The following GCDH variants were observed in gnomAD, a reference collection of about 807,000 sequenced individuals.
GCDH encodes the protein glutaryl-CoA dehydrogenase, also known as glutaryl-CoA dehydrogenase, mitochondrial.
Under a neutral mutation model 52.8 loss-of-function variants are expected in GCDH, and 31 were observed. The observed-to-expected ratio is 0.59, with a 90% CI of 0.44 to 0.79. The LOEUF (loss-of-function observed/expected upper bound fraction) is 0.79. Ranked by LOEUF, GCDH falls within the 30% of genes least tolerant of loss-of-function variation. The pLI is 0.00. For synonymous variants in GCDH, 242 were observed against 250.0 expected, an observed-to-expected ratio of 0.97 and a Z score of 0.30; for missense variants, 509 against 595.0, an observed-to-expected ratio of 0.86 and a Z score of 1.50.
chr19:12,892,307 C>A (rs1435157907), intron 5 of GCDH, 129 bp downstream of exon 5: 2 of 884,972 alleles, frequency 2.3e-6, no homozygotes, highest in East Asian at 2.6e-5. Context: ...TTCTTCTTCC[C>A]CCCCAACAGA....
intron 11 of GCDH, 133 bp from the exon 12 acceptor site, chr19:12,899,335 C>G: frequency 6.2e-7 from 1 of 1,613,394 alleles, no homozygotes; most frequent in South Asian, 1.1e-5. Flanking sequence ...AGTCTCCCGG[C>G]AGCTGTCAGC....
chr19:12,895,665 G>A (rs1970655419), intron 6 of GCDH, among the ~76,000 whole-genome samples: 1 of 151,804 alleles, frequency 6.6e-6, no homozygotes, highest in Non-Finnish European at 1.5e-5. Context: ...AGGCTGTAGT[G>A]CAGTGGCATG....
chr19:12,894,017 G>GT (rs1160434877), intron 6 of GCDH: 3 of 591,468 alleles, frequency 5.1e-6, no homozygotes, highest in Admixed American at 6.0e-5. Context: ...CCTGGGCAAC[G>GT]TAAGGAGACC....
At position 12,893,846 on chromosome 19, in the gene GCDH, A is replaced by T. The variant is rs1338152425; in HGVS notation, c.505+193A>T. ...GCCAGCCTGACTGTCCCCCTCTGTG[A>T]CCACCGTCATCTCCCTATGCTTTCT... On this transcript the variant is annotated intron_variant, in intron 6 of 11. Transcript: ENST00000222214. 9.1e-6 allele frequency: 6 copies of T among 661,508 alleles called. No homozygotes were observed. The Admixed American group carries it at 1.3e-4, about 14-fold the overall frequency. 41.0% of individuals were successfully genotyped at this position (661,508 alleles called of 1,614,324 possible).
At chr19:12,893,153 C>T (rs1280282363) in intron 5 of GCDH, among the ~76,000 whole-genome samples, 1 of 152,024 alleles carries the variant, frequency 6.6e-6, no homozygotes, top group African/African-American at 2.4e-5. Flanking sequence ...TCCCAAAGTG[C>T]TGGGATTATA....
Position 12,899,533 on chromosome 19 carries a change from A to G in GCDH, c.1309A>G (p.Ser437Gly), listed in dbSNP as rs1233213883. ...AITGIQAFTA[S>G]K is the part of the protein sequence containing the mutation. ...CACGGGAATCCAGGCGTTCACGGCC[A>G]GCAAGTGAGCCGCTCCATCAGGGGC... The change falls in exon 12 of 12, where the codon AGC becomes GGC. Residue 437 changes from serine (S) to glycine (G), a missense_variant. Transcript: ENST00000222214. 1.9e-6 allele frequency: 3 copies of G among 1,614,100 alleles called. No homozygotes were observed. Among genetic ancestry groups the G allele is most frequent in the Non-Finnish European group, 2.5e-6 (3 of 1,180,038 alleles).
chr19:12,897,219 C>T (rs989021687), intron 9 of GCDH, 84 bp from the exon 10 acceptor site: 16 of 1,554,412 alleles, frequency 1.0e-5, no homozygotes, highest in African/African-American at 2.7e-5. Context: ...CCTGGGAAGG[C>T]GTCCTGGAGC....
At chr19:12,892,025 GCCACCCCACCT>G in intron 4 of GCDH, 51 bp downstream of exon 4, 2 of 1,613,990 alleles carry the variant, frequency 1.2e-6, no homozygotes, top group Non-Finnish European at 8.5e-7. Context: ...TGGAGCCATA[GCCACCCCACCT>G]CAAGGCCCCT....
At position 12,898,211 on chromosome 19, in the gene GCDH, C is replaced by T. The variant is rs571936638; in HGVS notation, c.1243+348C>T. The T allele has an allele frequency of 1.0e-4, 38 of 371,896 alleles. 1 individual carries two copies. Among genetic ancestry groups the T allele is most frequent in the South Asian group, 5.8e-4 (24 of 41,298 alleles). The allele number at this position is 371,896 out of a possible 1,614,324, so 23.0% of individuals were successfully genotyped here. A position where few individuals can be genotyped will look rare whatever the true frequency, so the allele number is the denominator to read the frequency against. The stretch of plus-strand genomic sequence containing the variant: ...AGGCTGGTGGACGCAAGGGAGTGAG[C>T]GAAGCTACACGCAGGAATCAACGCT... On this transcript the variant is annotated intron_variant, in intron 11 of 11. Coordinates refer to ENST00000222214, the MANE Select transcript of GCDH (RefSeq NM_000159.4).
Position 12,891,355 on chromosome 19 carries a change from G to T in GCDH, c.51G>T (p.Leu17=), listed in dbSNP as rs772706462. ...GGCTGCTGAGCCGCGGACCCGGCCT[G>T]CACGTCCTTCGCACGTGGGTCTCGT... is the stretch of plus-strand genomic sequence containing the variant. ...SVRLLSRGPG[L]HVLRTWVSSA... is the part of the protein sequence containing the mutation. Residue 17 remains leucine, a synonymous_variant, in exon 2 of 12, where the codon CTG becomes CTT. Transcript: ENST00000222214. The T allele has an allele frequency of 2.1e-5, 34 of 1,613,388 alleles. No individual in the cohort carries two copies. The African/African-American group carries it at 3.9e-4, about 18-fold the overall frequency.
At position 12,899,817 on chromosome 19, in the gene GCDH, G is replaced by A; in HGVS notation, c.*276G>A. 5 of 1,581,254 alleles carry A rather than the reference G, an allele frequency of 3.2e-6. No individual in the cohort carries two copies. The highest frequency in any genetic ancestry group is 4.3e-6 in the Non-Finnish European group (5 of 1,151,260). On this transcript the variant is annotated 3_prime_UTR_variant, in exon 12 of 12. Transcript: ENST00000222214. Reference sequence around the variant, plus strand: ...CCTGAAATAGCAGCTTCTCTTGAGAGGAGAGTGACATGGAAGCAACTCCGT... The same window carrying A: ...CCTGAAATAGCAGCTTCTCTTGAGAAGAGAGTGACATGGAAGCAACTCCGT...
rs776082304 is a variant in GCDH, at chr19:12,897,859, C to G, written c.1239C>G (p.Tyr413Ter). ...HAMNLEAVNT[Y>*]EGTHDIHALI... is the part of the protein sequence containing the mutation. ...TGAACCTGGAGGCCGTGAACACCTA[C>G]GAAGGTAGGAGCTGGACCTCAGAGG... Residue 413 changes from tyrosine (Y) to a stop codon, truncating the protein, a stop_gained, in exon 11 of 12, where the codon TAC becomes TAG. Transcript: ENST00000222214. LOFTEE classifies it high-confidence loss of function. 1 of 1,613,622 alleles carries G rather than the reference C, an allele frequency of 6.2e-7. No homozygotes were observed. Among genetic ancestry groups the G allele is most frequent in the Non-Finnish European group, 8.5e-7 (1 of 1,179,700 alleles).
rs764513971 is a variant in GCDH at position 12,897,871 on chromosome 19, C to T, written c.1243+8C>T. The T allele has an allele frequency of 6.2e-7, 1 of 1,612,518 alleles. No individual in the cohort carries two copies. Among genetic ancestry groups the T allele is most frequent in the Admixed American group, 1.7e-5 (1 of 59,996 alleles). The stretch of plus-strand genomic sequence containing the variant: ...CCGTGAACACCTACGAAGGTAGGAG[C>T]TGGACCTCAGAGGGCTCACTGAGGC... On this transcript the variant is annotated splice_region_variant and intron_variant, in intron 11 of 11. Coordinates refer to ENST00000222214, the MANE Select transcript of GCDH (RefSeq NM_000159.4).
At chr19:12,892,829 C>T (rs988394091) in intron 5 of GCDH, among the ~76,000 whole-genome samples, 4 of 151,642 alleles carry the variant, frequency 2.6e-5, no homozygotes, top group Non-Finnish European at 4.4e-5. Context: ...GTGATCCACC[C>T]GCCTCAGCCT....
At chr19:12,893,982 C>T (rs1482479740) in intron 6 of GCDH, 2 of 581,658 alleles carry the variant, frequency 3.4e-6, no homozygotes, top group East Asian at 5.9e-5. Flanking sequence ...GAGAAGATCC[C>T]TTGAGCCCAA....
Position 12,896,762 on chromosome 19 carries a change from T to C in GCDH, c.853-148T>C. On this transcript the variant is annotated intron_variant, in intron 8 of 11. Transcript: ENST00000222214. This position sits in a 1 kb window ranked among gnomAD's most constrained non-coding sequence, Gnocchi z 5.5. Reference sequence around the variant, plus strand: ...CGAGTGAGCAGGCACCGAGCTTCAGTGCCAGGGCCATCTGTGATGTGAACC... The same window carrying C: ...CGAGTGAGCAGGCACCGAGCTTCAGCGCCAGGGCCATCTGTGATGTGAACC... The C allele has an allele frequency of 1.4e-6, 1 of 700,804 alleles. No homozygotes were observed. Among genetic ancestry groups the C allele is most frequent in the East Asian group, 2.7e-5 (1 of 37,062 alleles). The allele number at this position is 700,804 out of a possible 1,614,324, so 43.4% of individuals were successfully genotyped here.
chr19:12,897,200 C>A, intron 9 of GCDH, 103 bp from the exon 10 acceptor site: 1 of 1,478,442 alleles, frequency 6.8e-7, no homozygotes, highest in Non-Finnish European at 9.3e-7. Context: ...CTTGGGGGCA[C>A]TGAGGCAGCC....
chr19:12,896,441 G>A lies in GCDH; in HGVS notation c.852+20G>A, dbSNP rs770418147. Reference sequence around the variant, plus strand: ...CTGGGGGTAAGTGGCAGCCACTTTGGGAATGGGTGTTGGGTCACCTGCGGA... The same window carrying A: ...CTGGGGGTAAGTGGCAGCCACTTTGAGAATGGGTGTTGGGTCACCTGCGGA... On this transcript the variant is annotated intron_variant, in intron 8 of 11. Transcript: ENST00000222214. This position sits in a 1 kb window ranked among gnomAD's most constrained non-coding sequence, Gnocchi z 5.5. 1 of 1,584,232 alleles carries A rather than the reference G, an allele frequency of 6.3e-7. No individual in the cohort carries two copies.
intron 6 of GCDH, 31 bp from the exon 7 acceptor site, chr19:12,895,961 G>A: frequency 6.2e-7 from 1 of 1,613,234 alleles, no homozygotes. Context: ...CAGGGACCAG[G>A]CAGCCTTGTG....
Sources: gnomAD v4.1 joint callset for allele counts (sites outside exome capture counted in the v4.1 genomes callset) on GRCh38, gnomAD v4.1.1 for gene constraint, Gnocchi (gnomAD v3.1) non-coding constraint, MANE v1.5 for transcripts, NCBI Gene and HGNC (gene_info 2026-07-23, HGNC 2026-07-21) for gene names.